The following BRSK2 variants were observed in gnomAD, a reference collection of about 807,000 sequenced individuals.
BRSK2 encodes the protein BR serine/threonine kinase 2, also known as serine/threonine-protein kinase BRSK2.
In BRSK2, 19 loss-of-function variants were observed where a neutral mutation model predicts 83.3. That is an observed-to-expected ratio of 0.23 (90% CI 0.16 to 0.33). The LOEUF (loss-of-function observed/expected upper bound fraction) is 0.33, where lower values mean the gene tolerates loss of function less well. Among genes scored for constraint, BRSK2 ranks in the 10% least tolerant of loss-of-function variants. The pLI, the probability that BRSK2 is intolerant of heterozygous loss-of-function variation, is 1.00. For missense variants in BRSK2, 798 were observed against 1,042.3 expected (o/e 0.77, Z 3.23); for synonymous variants, 519 against 435.4 (o/e 1.19, Z -2.39).
Position 1,442,480 on chromosome 11 carries a change from T to G in BRSK2, c.414-10T>G, listed in dbSNP as rs752868623. 1.4e-5 allele frequency: 22 copies of G among 1,608,658 alleles called. No homozygotes were observed. The highest frequency in any genetic ancestry group is 1.8e-5 in the Non-Finnish European group (21 of 1,176,372). ...CTGGCCCTGTTCAGCCTCACCACCC[T>G]CCTCCCCAGCCACAGGGATCTGAAA... On this transcript the variant is annotated splice_polypyrimidine_tract_variant and intron_variant, in intron 4 of 19. Coordinates refer to ENST00000528841, the MANE Select transcript of BRSK2 (RefSeq NM_001256627.2).
chr11:1,452,758 G>A (rs888006712), intron 15 of BRSK2, among the ~76,000 whole-genome samples: 17 of 152,040 alleles, frequency 1.1e-4, no homozygotes, highest in African/African-American at 3.6e-4. Context: ...CCAAGGGCCC[G>A]GCACAGATGC....
In BRSK2 at chr11:1,410,548, C is replaced by T. The variant is rs565396393; in HGVS notation, c.91+20173C>T. 593 of 985,466 alleles carry T rather than the reference C, an allele frequency of 6.0e-4. 1 individual carries two copies. Among genetic ancestry groups the T allele is most frequent in the Non-Finnish European group, 6.8e-4 (563 of 829,966 alleles). The allele number at this position is 985,466 out of a possible 1,614,324, so 61.0% of individuals were successfully genotyped here. A position where few individuals can be genotyped will look rare whatever the true frequency, so the allele number is the denominator to read the frequency against. ...AAAGGCCTCACTGCTGAGCACGAGA[C>T]GCCGCTTTTGATGTCGTCAGGCTCT... On this transcript the variant is annotated intron_variant, in intron 1 of 19. Coordinates refer to ENST00000528841, the MANE Select transcript of BRSK2 (RefSeq NM_001256627.2).
intron 5 of BRSK2, among the ~76,000 whole-genome samples, chr11:1,442,891 C>T (rs1370772572): frequency 1.3e-5 from 2 of 152,114 alleles, no homozygotes; most frequent in African/African-American, 4.8e-5. Flanking sequence ...TGGCCCCTGC[C>T]CAGCCGAGTG....
rs1590739765 is a variant in BRSK2, at chr11:1,460,612, A to C, written c.2100A>C (p.Pro700=). 1 of 1,529,956 alleles carries C rather than the reference A, an allele frequency of 6.5e-7. No homozygotes were observed. Among genetic ancestry groups the C allele is most frequent in the Non-Finnish European group, 8.7e-7 (1 of 1,143,794 alleles). 94.8% of individuals were successfully genotyped at this position (1,529,956 alleles called of 1,614,324 possible). Residue 700 remains proline, a synonymous_variant, in exon 20 of 20, where the codon CCA becomes CCC. Transcript: ENST00000528841. ...STPAKRSAHG[P]LGDSAAAGPG... ...CCGCCAAGCGGAGTGCCCACGGCCCACTCGGTGACTCCGCGGCCGCTGGCC... is the reference window on the plus strand; with the variant it reads ...CCGCCAAGCGGAGTGCCCACGGCCCCCTCGGTGACTCCGCGGCCGCTGGCC...
chr11:1,460,005 G>A (rs910672929), intron 19 of BRSK2, among the ~76,000 whole-genome samples: 6 of 151,830 alleles, frequency 4.0e-5, no homozygotes, highest in African/African-American at 1.5e-4. Context: ...GTCCTGCGAG[G>A]CTTCAGAGCT....
chr11:1,450,386 C>T (rs1845672197), intron 13 of BRSK2, among the ~76,000 whole-genome samples: 2 of 152,156 alleles, frequency 1.3e-5, no homozygotes, highest in African/African-American at 2.4e-5. Context: ...CCAGACCTTG[C>T]CGTGCAAGGC....
chr11:1,390,414 C>A lies in BRSK2; in HGVS notation c.91+39C>A, dbSNP rs1845648022. ...GGGCGGGGACCGGGGCCGGGGAGGC[C>A]GCGCTGGCAGCGCGCTGGGTGGGGG... On this transcript the variant is annotated intron_variant, in intron 1 of 19. Coordinates refer to ENST00000528841, the MANE Select transcript of BRSK2 (RefSeq NM_001256627.2). The surrounding 1 kb of genome is among the most constrained non-coding windows in gnomAD (Gnocchi z 6.8). 3.0e-6 allele frequency: 3 copies of A among 992,680 alleles called. No homozygotes were observed. Among genetic ancestry groups the A allele is most frequent in the Non-Finnish European group, 3.6e-6 (3 of 827,298 alleles). 61.5% of individuals were successfully genotyped at this position (992,680 alleles called of 1,614,324 possible). A position where few individuals can be genotyped will look rare whatever the true frequency, so the allele number is the denominator to read the frequency against.
chr11:1,443,789 CT>C (rs1363490107), intron 8 of BRSK2, among the ~76,000 whole-genome samples, 154 bp downstream of exon 8: 1 of 151,252 alleles, frequency 6.6e-6, no homozygotes, highest in Non-Finnish European at 1.5e-5. Flanking sequence ...CAGGTGTCGG[CT>C]TGTGTTCAGG....
chr11:1,418,150 G>A (rs1159798816), intron 1 of BRSK2, among the ~76,000 whole-genome samples: 3 of 140,426 alleles, frequency 2.1e-5, no homozygotes, highest in Admixed American at 7.1e-5. Context: ...GTCACACTGT[G>A]TCCTGCTTCT....
chr11:1,390,413 C>CCGCGCTGGCAG lies in BRSK2; in HGVS notation c.91+47_91+57dup, dbSNP rs1564785899. 2.0e-6 allele frequency: 2 copies of CCGCGCTGGCAG among 998,088 alleles called. No homozygotes were observed. The highest frequency in any genetic ancestry group is 2.4e-6 in the Non-Finnish European group (2 of 831,246). 61.8% of individuals were successfully genotyped at this position (998,088 alleles called of 1,614,324 possible). ...GGGGCGGGGACCGGGGCCGGGGAGGCCGCGCTGGCAGCGCGCTGGGTGGGG... is the reference window on the plus strand; with the variant it reads ...GGGGCGGGGACCGGGGCCGGGGAGGCCGCGCTGGCAGCGCGCTGGCAGCGCGCTGGGTGGGG... On this transcript the variant is annotated intron_variant, in intron 1 of 19. Transcript: ENST00000528841. The surrounding 1 kb of genome is among the most constrained non-coding windows in gnomAD (Gnocchi z 6.8).
intron 1 of BRSK2, among the ~76,000 whole-genome samples, chr11:1,427,372 C>G (rs1034538140): frequency 1.4e-4 from 22 of 152,314 alleles, no homozygotes; most frequent in Non-Finnish European, 7.4e-5. Flanking sequence ...TCAGATACCA[C>G]GTGCAGGGTA....
rs118109180 is a variant in BRSK2, at chr11:1,461,950, A to G, written c.*1227A>G. On this transcript the variant is annotated 3_prime_UTR_variant, in exon 20 of 20. Coordinates refer to ENST00000528841, the MANE Select transcript of BRSK2 (RefSeq NM_001256627.2). ...TCGGGGCAGAGGGGCGGTGTCTTGT[A>G]GCGGGCGGCAGCGCCAGCGCCCCTC... 0.07 allele frequency: 10,661 copies of G among 151,916 alleles called. 472 individuals are homozygous for G. The highest frequency in any genetic ancestry group is 0.097 in the Non-Finnish European group (6,577 of 67,936). The allele number at this position is 151,916 out of a possible 1,614,324, so 9.4% of individuals were successfully genotyped here.
chr11:1,435,239 G>GAGGGGTGCCGGTGGATGTCTCAGCGGAGT (rs1564837466), intron 1 of BRSK2, among the ~76,000 whole-genome samples: 19 of 129,326 alleles, frequency 1.5e-4, no homozygotes, highest in African/African-American at 2.6e-4. Flanking sequence ...CTCAGCGGAG[G>GAGGGGTGCCGGTGGATGTCTCAGCGGAGT]AGGGGTGCCG....
chr11:1,416,047 C>A (rs1406915256), intron 1 of BRSK2, among the ~76,000 whole-genome samples: 1 of 152,268 alleles, frequency 6.6e-6, no homozygotes, highest in African/African-American at 2.4e-5. Flanking sequence ...TCTTGGCAAC[C>A]TCAGGGCTCA....
intron 19 of BRSK2, among the ~76,000 whole-genome samples, 177 bp from the exon 20 acceptor site, chr11:1,460,323 G>A (rs997705297): frequency 4.6e-5 from 7 of 151,560 alleles, no homozygotes; most frequent in East Asian, 2.0e-4. Flanking sequence ...GCCGCCCACC[G>A]GTCCCCGCTC....
chr11:1,440,907 TC>T lies in BRSK2; in HGVS notation c.393del (p.Cys132AlafsTer11). ...FFRQIISALD[F>X]CHSHSICHRD... Reference sequence around the variant, plus strand: ...CGGCAGATCATCTCTGCGCTGGACTTCTGCCACAGCCACTCCATATGGTGAG... The same window carrying T: ...CGGCAGATCATCTCTGCGCTGGACTTTGCCACAGCCACTCCATATGGTGAG... On this transcript the variant is annotated frameshift_variant, in exon 4 of 20. Coordinates refer to ENST00000528841, the MANE Select transcript of BRSK2 (RefSeq NM_001256627.2). LOFTEE classifies it high-confidence loss of function. 6.2e-7 allele frequency: 1 copy of T among 1,609,362 alleles called. No individual in the cohort carries two copies. Among genetic ancestry groups the T allele is most frequent in the Non-Finnish European group, 8.5e-7 (1 of 1,178,792 alleles).
chr11:1,436,879 G>C (rs921566104), intron 2 of BRSK2, among the ~76,000 whole-genome samples: 10 of 152,150 alleles, frequency 6.6e-5, no homozygotes, highest in Admixed American at 6.5e-4. Flanking sequence ...GGCCAAGAGA[G>C]GGGAGGCTTG....
chr11:1,447,124 C>G (rs368126351), intron 12 of BRSK2, among the ~76,000 whole-genome samples: 301 of 152,122 alleles, frequency 2.0e-3, no homozygotes, highest in South Asian at 0.013. Flanking sequence ...TCCCAGCCCC[C>G]AGAACCTCCT....
At chr11:1,442,295 A>G (rs1851449304) in intron 4 of BRSK2, 195 bp from the exon 5 acceptor site, 1 of 523,054 alleles carries the variant, frequency 1.9e-6, no homozygotes, top group East Asian at 3.5e-5. Context: ...ATGCCTGACC[A>G]AAGGCCAGAG....
Sources: gnomAD v4.1 joint callset for allele counts (sites outside exome capture counted in the v4.1 genomes callset) on GRCh38, gnomAD v4.1.1 for gene constraint, Gnocchi (gnomAD v3.1) non-coding constraint, MANE v1.5 for transcripts, NCBI Gene and HGNC (gene_info 2026-07-23, HGNC 2026-07-21) for gene names.